Variants in SLC39A12 observed in about 807,000 individuals in gnomAD.
SLC39A12 encodes zinc transporter ZIP12.
In SLC39A12, 63 loss-of-function variants were observed where a neutral mutation model predicts 71.1. The ratio of observed to expected loss-of-function variants is 0.89; its 90% CI spans 0.72 to 1.09. The LOEUF (loss-of-function observed/expected upper bound fraction) is 1.09, where lower values mean the gene tolerates loss of function less well. SLC39A12 is among the 50% of genes least tolerant of loss of function. SLC39A12 has a pLI of 0.00. For missense variants in SLC39A12, 892 were observed against 812.6 expected (o/e 1.10, Z -1.19); for synonymous variants, 351 against 301.3 (o/e 1.16, Z -1.71).
chr10:17,994,312 C>T (rs181282068), intron 9 of SLC39A12, among the ~76,000 whole-genome samples: 20 of 152,240 alleles, frequency 1.3e-4, no homozygotes, highest in African/African-American at 4.8e-4. Context: ...CATAATTCCT[C>T]TTGTTATTTA....
In SLC39A12 at chr10:17,997,090, T is replaced by C. The variant is rs544306497; in HGVS notation, c.1600+1368T>C. Among the ~76,000 whole-genome samples the C allele has an allele frequency of 3.9e-5, 6 of 152,272 alleles. No individual in the cohort carries two copies. In the East Asian group the frequency reaches 1.2e-3, roughly 29 times the overall value. On this transcript the variant is annotated intron_variant, in intron 10 of 12. Coordinates refer to ENST00000377369, the MANE Select transcript of SLC39A12 (RefSeq NM_001145195.2). Reference sequence around the variant, plus strand: ...TGCTAATGCACCAACAATTTTTTTGTGACCATTCATTCATTCATGCATCAA... The same window carrying C: ...TGCTAATGCACCAACAATTTTTTTGCGACCATTCATTCATTCATGCATCAA...
chr10:18,042,941 A>AGT lies in SLC39A12; in HGVS notation c.*113_*114dup, dbSNP rs1253761638. 1.1e-6 allele frequency: 1 copy of AGT among 880,680 alleles called. No homozygotes were observed. The highest frequency in any genetic ancestry group is 1.6e-6 in the Non-Finnish European group (1 of 635,140). The allele number at this position is 880,680 out of a possible 1,614,324, so 54.6% of individuals were successfully genotyped here. A position where few individuals can be genotyped will look rare whatever the true frequency, so the allele number is the denominator to read the frequency against. On this transcript the variant is annotated 3_prime_UTR_variant, in exon 13 of 13. Coordinates refer to ENST00000377369, the MANE Select transcript of SLC39A12 (RefSeq NM_001145195.2). Reference sequence around the variant, plus strand: ...ATTAAGAATTTTTTATCTTAGGCAAAGTGTGTCTCTTTCAATTCATTAACT... The same window carrying AGT: ...ATTAAGAATTTTTTATCTTAGGCAAAGTGTGTGTCTCTTTCAATTCATTAACT...
In SLC39A12 at chr10:17,991,141, T is replaced by TC. The variant is rs1554851667; in HGVS notation, c.1270-6dup. On this transcript the variant is annotated splice_polypyrimidine_tract_variant and intron_variant, in intron 7 of 12. Coordinates refer to ENST00000377369, the MANE Select transcript of SLC39A12 (RefSeq NM_001145195.2). ...TCTCTCTGCCTTTTTTTTTTTTTTT[T>TC]CCCCTGAAGGTTCTTGGTTTACATA... 57,724 of 1,503,734 alleles carry TC rather than the reference T, an allele frequency of 0.038. 345 individuals carry two copies. The highest frequency in any genetic ancestry group is 0.086 in the Admixed American group (3,289 of 38,398). 93.1% of individuals were successfully genotyped at this position (1,503,734 alleles called of 1,614,324 possible). A position where few individuals can be genotyped will look rare whatever the true frequency, so the allele number is the denominator to read the frequency against.
intron 2 of SLC39A12, among the ~76,000 whole-genome samples, chr10:17,960,168 A>AT (rs370944034): frequency 6.6e-6 from 1 of 152,050 alleles, no homozygotes; most frequent in Non-Finnish European, 1.5e-5. Flanking sequence ...GAAACCAAAA[A>AT]TTTTTTTTAA....
At position 17,995,006 on chromosome 10, in the gene SLC39A12, A is replaced by C; in HGVS notation, c.1534-650A>C. Among the ~76,000 whole-genome samples the C allele has an allele frequency of 1.3e-5, 2 of 152,210 alleles. 1 individual carries two copies. Among genetic ancestry groups the C allele is most frequent in the Non-Finnish European group, 2.9e-5 (2 of 68,026 alleles). On this transcript the variant is annotated intron_variant, in intron 9 of 12. Coordinates refer to ENST00000377369, the MANE Select transcript of SLC39A12 (RefSeq NM_001145195.2). ...AATTGGTCTGTGAGTCAGTCTCTGA[A>C]ATAAAATCACGTAATCTTACCTCAT... is the stretch of plus-strand genomic sequence containing the variant.
At chr10:18,036,794 A>ATATATATTTT (rs1554855475) in intron 12 of SLC39A12, among the ~76,000 whole-genome samples, 13 of 92,854 alleles carry the variant, frequency 1.4e-4, no homozygotes, top group East Asian at 4.4e-4. Context: ...ATATATATAT[A>ATATATATTTT]TTTTTTTTTT....
intron 4 of SLC39A12, among the ~76,000 whole-genome samples, chr10:17,976,333 G>T (rs982624808): frequency 2.6e-5 from 4 of 152,004 alleles, no homozygotes; most frequent in African/African-American, 9.7e-5. Context: ...TAAGAAATCA[G>T]CCATTAATTG....
At chr10:17,961,031 C>T (rs1387860905) in intron 2 of SLC39A12, among the ~76,000 whole-genome samples, 1 of 152,004 alleles carries the variant, frequency 6.6e-6, no homozygotes, top group Non-Finnish European at 1.5e-5. Flanking sequence ...TAGTTCTGTA[C>T]TAGGGAACGC....
chr10:17,983,226 C>A (rs1466669619), intron 6 of SLC39A12, among the ~76,000 whole-genome samples: 2 of 147,830 alleles, frequency 1.4e-5, no homozygotes, highest in East Asian at 2.0e-4. Flanking sequence ...TGCAGTGTCT[C>A]ACACCTGTAG....
In SLC39A12 at chr10:17,995,556, A is replaced by G. The variant is rs183130280; in HGVS notation, c.1534-100A>G. On this transcript the variant is annotated intron_variant, in intron 9 of 12. Coordinates refer to ENST00000377369, the MANE Select transcript of SLC39A12 (RefSeq NM_001145195.2). ...TCTAATATACATCTAGAGTACTAAA[A>G]TGTCTTTTAAAAACCCATGTAACTC... The G allele has an allele frequency of 5.8e-6, 6 of 1,028,364 alleles. 1 individual carries two copies. In the Admixed American group the frequency reaches 6.6e-5, roughly 11 times the overall value. The allele number at this position is 1,028,364 out of a possible 1,614,324, so 63.7% of individuals were successfully genotyped here.
intron 12 of SLC39A12, among the ~76,000 whole-genome samples, chr10:18,040,380 C>T (rs1004943913): frequency 6.6e-6 from 1 of 152,094 alleles, no homozygotes; most frequent in African/African-American, 2.4e-5. Flanking sequence ...GATGGCAGGT[C>T]ATAGTAAACC....
At chr10:18,015,377 GA>G (rs1836347272) in intron 12 of SLC39A12, among the ~76,000 whole-genome samples, 2 of 152,144 alleles carry the variant, frequency 1.3e-5, no homozygotes, top group African/African-American at 4.8e-5. Context: ...CTCAATATGT[GA>G]ATAAGTGAAT....
intron 9 of SLC39A12, among the ~76,000 whole-genome samples, chr10:17,994,088 T>C (rs1300429104): frequency 6.6e-6 from 1 of 152,156 alleles, no homozygotes; most frequent in Non-Finnish European, 1.5e-5. Context: ...TAAAATACGA[T>C]TTTAAGAGCC....
intron 10 of SLC39A12, among the ~76,000 whole-genome samples, chr10:17,997,358 T>G (rs1190847569): frequency 6.6e-6 from 1 of 152,224 alleles, no homozygotes. Flanking sequence ...AATTTATTTA[T>G]TCGATTCAAA....
In SLC39A12 at chr10:18,012,885, A is replaced by AAT. The variant is rs1491528059; in HGVS notation, c.1947+9527_1947+9528insAT. 6.6e-3 allele frequency among the ~76,000 whole-genome samples: 929 copies of AAT among 140,132 alleles called. 5 individuals carry two copies. The highest frequency in any genetic ancestry group is 0.023 in the African/African-American group (872 of 38,618). 91.9% of individuals were successfully genotyped at this position (140,132 alleles called of 152,430 possible). A position where few individuals can be genotyped will look rare whatever the true frequency, so the allele number is the denominator to read the frequency against. ...CGTCTCAAAAAAAAAAAAAAAAAAA[A>AAT]GGGCTTAAATCCTGCAAAAATGGAT... On this transcript the variant is annotated intron_variant, in intron 12 of 12. Coordinates refer to ENST00000377369, the MANE Select transcript of SLC39A12 (RefSeq NM_001145195.2).
chr10:17,953,045 C>CA (rs1554847301), intron 1 of SLC39A12, 146 bp from the exon 2 acceptor site: 1 of 550,618 alleles, frequency 1.8e-6, no homozygotes, highest in African/African-American at 1.9e-5. Context: ...GCTTTCCTGC[C>CA]ATTTGGGGTT....
intron 12 of SLC39A12, among the ~76,000 whole-genome samples, chr10:18,021,890 T>A (rs1241090897): frequency 6.6e-6 from 1 of 152,210 alleles, no homozygotes; most frequent in Non-Finnish European, 1.5e-5. Flanking sequence ...TTAGTTTTGC[T>A]GGATATGAAA....
chr10:17,963,018 G>T (rs992077843), intron 3 of SLC39A12, among the ~76,000 whole-genome samples: 5 of 152,030 alleles, frequency 3.3e-5, no homozygotes, highest in Admixed American at 2.6e-4. Context: ...AAAATTAGCT[G>T]GATGTGGTGG....
intron 12 of SLC39A12, among the ~76,000 whole-genome samples, chr10:18,010,137 T>G (rs1233114392): frequency 1.3e-5 from 2 of 152,196 alleles, no homozygotes; most frequent in Non-Finnish European, 2.9e-5. Context: ...TGAGTCTTTC[T>G]TTATCAGAGA....
Sources: allele counts gnomAD v4.1 joint callset (sites outside exome capture counted in the v4.1 genomes callset), GRCh38; gene constraint gnomAD v4.1.1; transcripts MANE v1.5; gene names NCBI Gene and HGNC (gene_info 2026-07-23, HGNC 2026-07-21).